The following PRR16 variants were observed in gnomAD, a reference collection of about 807,000 sequenced individuals.
PRR16 encodes the protein protein Largen.
Under a neutral mutation model 18.2 loss-of-function variants are expected in PRR16, and 6 were observed. That is an observed-to-expected ratio of 0.33 (90% CI 0.18 to 0.65). PRR16 has a LOEUF of 0.65. PRR16 is among the 30% of genes least tolerant of loss of function. PRR16 has a pLI of 0.74. For synonymous variants in PRR16, 151 were observed against 147.8 expected, an observed-to-expected ratio of 1.02 and a Z score of -0.16; for missense variants, 412 against 376.6, an observed-to-expected ratio of 1.09 and a Z score of -0.78.
the PRR16 span, among the ~76,000 whole-genome samples, chr5:120,716,691 A>G: frequency 2.0e-5 from 3 of 152,088 alleles, no homozygotes; most frequent in African/African-American, 2.4e-5. Context: ...CCTGGCCAAC[A>G]TGGAGAAACC....
At chr5:120,524,683 T>C (rs556692739) in intron 1 of PRR16, among the ~76,000 whole-genome samples, 2 of 152,198 alleles carry the variant, frequency 1.3e-5, no homozygotes, top group South Asian at 4.2e-4. Flanking sequence ...AAGAGTATAA[T>C]TGGGTTGTTT....
the PRR16 span, among the ~76,000 whole-genome samples, chr5:120,724,309 A>T: frequency 5.3e-5 from 8 of 152,078 alleles, no homozygotes; most frequent in Non-Finnish European, 2.9e-5. Flanking sequence ...GCCACAGACC[A>T]AGCGTTCAAA....
At chr5:120,733,548 C>T in the PRR16 span, among the ~76,000 whole-genome samples, 1 of 152,088 alleles carries the variant, frequency 6.6e-6, no homozygotes, top group Admixed American at 6.6e-5. Context: ...AAAATTTCTA[C>T]CTGTATTGCT....
intron 1 of PRR16, among the ~76,000 whole-genome samples, chr5:120,495,181 G>C (rs921820587): frequency 9.2e-5 from 14 of 151,836 alleles, no homozygotes; most frequent in African/African-American, 3.4e-4. Flanking sequence ...ACTTTACAAT[G>C]TTAAATCTTC....
chr5:120,560,170 A>G (rs898465255), intron 1 of PRR16, among the ~76,000 whole-genome samples: 3 of 151,760 alleles, frequency 2.0e-5, no homozygotes, highest in Non-Finnish European at 4.4e-5. Flanking sequence ...TTCTATTGCT[A>G]TGTTGAATAA....
At chr5:120,759,553 A>G in the PRR16 span, among the ~76,000 whole-genome samples, 78 of 152,252 alleles carry the variant, frequency 5.1e-4, no homozygotes, top group African/African-American at 1.7e-3. Context: ...TATGAAGCAC[A>G]AGATTTTGTC....
chr5:120,750,035 G>A, the PRR16 span, among the ~76,000 whole-genome samples: 1 of 152,200 alleles, frequency 6.6e-6, no homozygotes, highest in Non-Finnish European at 1.5e-5. Context: ...GAATCAACAT[G>A]AGTCATTCTC....
At chr5:120,600,708 C>T (rs1399142137) in intron 1 of PRR16, among the ~76,000 whole-genome samples, 3 of 151,726 alleles carry the variant, frequency 2.0e-5, no homozygotes, top group African/African-American at 2.4e-5. Flanking sequence ...GGTAGTTTTC[C>T]GGCCCACATC....
chr5:120,744,801 C>T, the PRR16 span, among the ~76,000 whole-genome samples: 16 of 152,054 alleles, frequency 1.1e-4, no homozygotes, highest in African/African-American at 3.9e-4. Flanking sequence ...TATAGCTCGC[C>T]TCTGTGTGTG....
chr5:120,541,368 A>G (rs1751908956), intron 1 of PRR16, among the ~76,000 whole-genome samples: 1 of 151,982 alleles, frequency 6.6e-6, no homozygotes. Flanking sequence ...CTGGTCTCAA[A>G]CTCCTGACCT....
In PRR16 at chr5:120,624,310, G is replaced by A. The variant is rs191397626; in HGVS notation, c.160-61644G>A. Among the ~76,000 whole-genome samples the A allele has an allele frequency of 1.4e-3, 216 of 152,256 alleles. 2 individuals are homozygous for A. Among genetic ancestry groups the A allele is most frequent in the Middle Eastern group, 0.01 (3 of 294 alleles). The stretch of plus-strand genomic sequence containing the variant: ...GTAAGATATAATTTAGACCTGGCTT[G>A]TTTCACTCATATTTGAAAGAGACCT... On this transcript the variant is annotated intron_variant, in intron 1 of 1. Coordinates refer to ENST00000407149, the MANE Select transcript of PRR16 (RefSeq NM_001300783.2).
intron 1 of PRR16, among the ~76,000 whole-genome samples, chr5:120,570,498 A>G (rs1752872646): frequency 6.6e-6 from 1 of 152,192 alleles, no homozygotes; most frequent in South Asian, 2.1e-4. Context: ...GACCTAATGC[A>G]AGAAGAGTAA....
At chr5:120,617,834 C>T (rs10042938) in intron 1 of PRR16, among the ~76,000 whole-genome samples, 8,882 of 152,066 alleles carry the variant, frequency 0.058, 325 homozygotes, top group South Asian at 0.084. Flanking sequence ...ACCATAAGAA[C>T]GATCATTACC....
At chr5:120,671,251 C>G (rs574463290) in intron 1 of PRR16, among the ~76,000 whole-genome samples, 1 of 152,162 alleles carries the variant, frequency 6.6e-6, no homozygotes, top group African/African-American at 2.4e-5. Context: ...TTTTTTCTAC[C>G]TCTTCTCTCA....
At chr5:120,533,711 G>A (rs1751624920) in intron 1 of PRR16, among the ~76,000 whole-genome samples, 1 of 152,138 alleles carries the variant, frequency 6.6e-6, no homozygotes, top group African/African-American at 2.4e-5. Flanking sequence ...TTTTCACTAG[G>A]AGATGAAAAC....
At chr5:120,687,830 G>A (rs753118928), downstream of PRR16, among the ~76,000 whole-genome samples, 12 of 152,178 alleles carry the variant, frequency 7.9e-5, no homozygotes, top group East Asian at 3.9e-4. Context: ...CTCCTCTTCC[G>A]TCTTATCTAC....
chr5:120,476,793 G>T (rs950037014), intron 1 of PRR16, among the ~76,000 whole-genome samples: 3 of 151,968 alleles, frequency 2.0e-5, no homozygotes, highest in African/African-American at 7.2e-5. Context: ...TGATTTCTCA[G>T]TTCTTCTTTA....
the PRR16 span, among the ~76,000 whole-genome samples, chr5:120,777,349 TAC>T: frequency 6.6e-6 from 1 of 152,124 alleles, no homozygotes; most frequent in African/African-American, 2.4e-5. Flanking sequence ...CTAAAAGTAA[TAC>T]AAATTTAAAA....
intron 1 of PRR16, among the ~76,000 whole-genome samples, chr5:120,565,803 A>T (rs1752718879): frequency 6.6e-6 from 1 of 152,184 alleles, no homozygotes; most frequent in Non-Finnish European, 1.5e-5. Context: ...ATTCTATTTT[A>T]TTGTTTTGAG....
Sources: gnomAD v4.1 joint callset for allele counts (sites outside exome capture counted in the v4.1 genomes callset) on GRCh38, gnomAD v4.1.1 for gene constraint, MANE v1.5 for transcripts, NCBI Gene and HGNC (gene_info 2026-07-23, HGNC 2026-07-21) for gene names.